VPS13A: variants seen among roughly 807,000 people sequenced by gnomAD.
VPS13A encodes the protein vacuolar protein sorting 13 homolog A.
In VPS13A, 264 loss-of-function variants were observed where a neutral mutation model predicts 390.9. The observed-to-expected ratio is 0.68, with a 90% CI of 0.61 to 0.75. The LOEUF is 0.75. VPS13A is among the 30% of genes least tolerant of loss of function. The pLI is 0.00. For missense variants in VPS13A, 3,409 were observed against 3,733.9 expected (o/e 0.91, Z 2.27); for synonymous variants, 1,231 against 1,227.1 (o/e 1.00, Z -0.07).
At position 77,382,425 on chromosome 9, in the gene VPS13A, T is replaced by C. The variant is rs148227167; in HGVS notation, c.9189+338T>C. ...AACCTTTTGTATTGGTAACTTTTAA[T>C]AGGAATTTTAATGAATCTGGTTTTT... On this transcript the variant is annotated intron_variant, in intron 68 of 71. Transcript: ENST00000360280. The C allele has an allele frequency of 2.8e-4, 400 of 1,417,522 alleles. 4 individuals are homozygous for C. The East Asian group carries it at 8.6e-3, about 30-fold the overall frequency. The allele number at this position is 1,417,522 out of a possible 1,614,324, so 87.8% of individuals were successfully genotyped here. A position where few individuals can be genotyped will look rare whatever the true frequency, so the allele number is the denominator to read the frequency against.
intron 23 of VPS13A, among the ~76,000 whole-genome samples, chr9:77,266,778 C>T (rs1826060255): frequency 6.6e-6 from 1 of 151,922 alleles, no homozygotes; most frequent in Non-Finnish European, 1.5e-5. Flanking sequence ...TTCTATTGTC[C>T]CCGTCACTTT....
intron 67 of VPS13A, among the ~76,000 whole-genome samples, chr9:77,373,560 C>T (rs371888427): frequency 1.4e-5 from 2 of 143,924 alleles, no homozygotes; most frequent in African/African-American, 2.5e-5. Context: ...CATTACCATT[C>T]AGGACATAGG....
rs58598132 is a variant in VPS13A at position 77,302,368 on chromosome 9, CT to C, written c.3813-526del. Among the ~76,000 whole-genome samples, 753 of 117,764 alleles carry C rather than the reference CT, an allele frequency of 6.4e-3. 6 individuals are homozygous for C. Among genetic ancestry groups the C allele is most frequent in the South Asian group, 0.03 (113 of 3,754 alleles). 77.3% of individuals were successfully genotyped at this position (117,764 alleles called of 152,430 possible). ...GTATCGAAAAATACATATTTTTCCC[CT>C]TTTTTTTTTTTTTTTTTTTTGGAGA... is the stretch of plus-strand genomic sequence containing the variant. On this transcript the variant is annotated intron_variant, in intron 33 of 71. Coordinates refer to ENST00000360280, the MANE Select transcript of VPS13A (RefSeq NM_033305.3).
At chr9:77,293,293 A>G in intron 31 of VPS13A, 48 bp from the exon 32 acceptor site, 1 of 1,488,680 alleles carries the variant, frequency 6.7e-7, no homozygotes, top group Non-Finnish European at 9.3e-7. Flanking sequence ...TACTGAAAAT[A>G]CATCATTTCA....
chr9:77,382,276 C>A, intron 68 of VPS13A, 189 bp downstream of exon 68: 1 of 1,508,282 alleles, frequency 6.6e-7, no homozygotes, highest in African/African-American at 1.4e-5. Context: ...TTCTTTTTTA[C>A]AGGCATCAAA....
At chr9:77,300,118 G>A (rs1388047186) in intron 33 of VPS13A, among the ~76,000 whole-genome samples, 2 of 152,098 alleles carry the variant, frequency 1.3e-5, no homozygotes, top group Admixed American at 6.5e-5. Context: ...GTTTTGTGCT[G>A]TAAATAGCTT....
At chr9:77,285,251 A>C (rs186268753) in intron 31 of VPS13A, among the ~76,000 whole-genome samples, 4 of 152,272 alleles carry the variant, frequency 2.6e-5, no homozygotes, top group Admixed American at 1.3e-4. Context: ...TCAGTTTCAT[A>C]AGCCTTGTAC....
At chr9:77,238,477 T>C in intron 19 of VPS13A, 91 bp downstream of exon 19, 1 of 971,376 alleles carries the variant, frequency 1.0e-6, no homozygotes, top group Non-Finnish European at 1.6e-6. Flanking sequence ...AAGTTTATTT[T>C]AAATTTATTA....
chr9:77,306,049 T>TTA (rs1277570989), intron 34 of VPS13A, among the ~76,000 whole-genome samples: 3 of 135,456 alleles, frequency 2.2e-5, no homozygotes, highest in African/African-American at 7.5e-5. Context: ...TTTCATCTTA[T>TTA]TATATGAACT....
chr9:77,323,655 TCA>T (rs1265680230), intron 45 of VPS13A, among the ~76,000 whole-genome samples: 1 of 152,156 alleles, frequency 6.6e-6, no homozygotes, highest in African/African-American at 2.4e-5. Flanking sequence ...GAAACTGTCA[TCA>T]CAGTCACGGT....
chr9:77,281,495 A>G (rs1827023668), intron 27 of VPS13A, among the ~76,000 whole-genome samples: 2 of 152,130 alleles, frequency 1.3e-5, no homozygotes, highest in African/African-American at 4.8e-5. Flanking sequence ...TTGGTGGACA[A>G]TTCTGTCACA....
In VPS13A at chr9:77,278,056, T is replaced by A. The variant is rs115061592; in HGVS notation, c.2824+1835T>A. Among the ~76,000 whole-genome samples, 889 of 152,048 alleles carry A rather than the reference T, an allele frequency of 5.8e-3. 8 individuals carry two copies. Among genetic ancestry groups the A allele is most frequent in the Middle Eastern group, 0.02 (6 of 294 alleles). On this transcript the variant is annotated intron_variant, in intron 26 of 71. Coordinates refer to ENST00000360280, the MANE Select transcript of VPS13A (RefSeq NM_033305.3). ...TTTATAGCAGTTACTAAGTTTTTTT[T>A]ATTATTATTAGTTTTATTTATTTTT...
At chr9:77,328,857 G>C (rs1830144801) in intron 45 of VPS13A, among the ~76,000 whole-genome samples, 1 of 152,174 alleles carries the variant, frequency 6.6e-6, no homozygotes, top group Non-Finnish European at 1.5e-5. Flanking sequence ...CCAGGACTTA[G>C]TAATTTATAA....
intron 21 of VPS13A, among the ~76,000 whole-genome samples, chr9:77,251,563 G>A (rs1825145898): frequency 6.6e-6 from 1 of 152,054 alleles, no homozygotes; most frequent in South Asian, 2.1e-4. Context: ...TATATTGGAG[G>A]TATTTGTGAA....
intron 67 of VPS13A, among the ~76,000 whole-genome samples, chr9:77,378,154 G>A (rs1180925703): frequency 6.6e-6 from 1 of 152,006 alleles, no homozygotes; most frequent in Non-Finnish European, 1.5e-5. Flanking sequence ...TGGGTATCAG[G>A]GTAATATTGT....
At chr9:77,372,738 ACT>A (rs1832850198) in intron 67 of VPS13A, among the ~76,000 whole-genome samples, 1 of 152,162 alleles carries the variant, frequency 6.6e-6, no homozygotes, top group Admixed American at 6.5e-5. Flanking sequence ...AGAAAACCCC[ACT>A]GTCTCAGCCC....
rs1349673838 is a variant in VPS13A at position 77,238,184 on chromosome 9, A to G, written c.1778A>G (p.Tyr593Cys). The G allele has an allele frequency of 5.0e-6, 8 of 1,613,050 alleles. No individual in the cohort carries two copies. In the East Asian group the frequency reaches 6.7e-5, roughly 14 times the overall value. The change falls in exon 18 of 72, where the codon TAT becomes TGT. Residue 593 changes from tyrosine to cysteine, a missense_variant. Around this residue, in one of 5 missense-constraint regions of VPS13A, gnomAD observed 2,717 missense variants for 2,917.4 expected, o/e 0.93. Coordinates refer to ENST00000360280, the MANE Select transcript of VPS13A (RefSeq NM_033305.3). ...IIEAEPLEII[Y>C]DARTVNSIVE... The stretch of plus-strand genomic sequence containing the variant: ...GAAGCTGAACCTTTAGAAATCATAT[A>G]TGATGCAGTAAGCATTTTTTTAAAT...
intron 13 of VPS13A, among the ~76,000 whole-genome samples, chr9:77,222,715 G>A (rs2131184166): frequency 6.6e-6 from 1 of 152,236 alleles, no homozygotes; most frequent in East Asian, 1.9e-4. Flanking sequence ...TATGATCAGT[G>A]ATCTTTGCTG....
At chr9:77,208,618 C>T (rs1041216960) in intron 5 of VPS13A, among the ~76,000 whole-genome samples, 1 of 150,336 alleles carries the variant, frequency 6.7e-6, no homozygotes, top group African/African-American at 2.4e-5. Context: ...GGTGTGATCT[C>T]GGCTCACTGC....
Sources: gnomAD v4.1 joint callset for allele counts (sites outside exome capture counted in the v4.1 genomes callset) on GRCh38, gnomAD v4.1.1 for gene constraint, gnomAD v4.1.1 regional missense constraint, MANE v1.5 for transcripts, NCBI Gene and HGNC (gene_info 2026-07-23, HGNC 2026-07-21) for gene names.